The following RAB38 variants were observed in gnomAD, a reference collection of about 807,000 sequenced individuals.
RAB38 encodes the protein RAB38, member RAS oncogene family, also known as ras-related protein Rab-38.
Under a neutral mutation model 18.4 loss-of-function variants are expected in RAB38, and 15 were observed. The observed-to-expected ratio is 0.82, with a 90% CI of 0.55 to 1.26. The LOEUF is 1.26. Ranked by LOEUF, RAB38 falls within the 50% of genes most tolerant of loss-of-function variation. The pLI is 0.00. For missense variants in RAB38, 294 were observed against 267.4 expected (o/e 1.10, Z -0.69); for synonymous variants, 101 against 104.4 (o/e 0.97, Z 0.20).
At chr11:88,065,802 G>A in the RAB38 span, among the ~76,000 whole-genome samples, 1 of 152,148 alleles carries the variant, frequency 6.6e-6, no homozygotes, top group African/African-American at 2.4e-5. Context: ...TGCACAAGAA[G>A]GCATTTCTCA....
Position 88,165,951 on chromosome 11 carries a change from T to C in RAB38, c.202+9232A>G, listed in dbSNP as rs184229683. The C allele has an allele frequency of 1.2e-3, 186 of 152,092 alleles. 1 individual carries two copies. Among genetic ancestry groups the C allele is most frequent in the African/African-American group, 4.3e-3 (179 of 41,510 alleles). The allele number at this position is 152,092 out of a possible 1,614,324, so 9.4% of individuals were successfully genotyped here. Reference sequence around the variant, plus strand: ...CTACAAACAAGGGAAAGAAAAGTTGTATGGGACTCAAGGGAGGAAGAAGTT... The same window carrying C: ...CTACAAACAAGGGAAAGAAAAGTTGCATGGGACTCAAGGGAGGAAGAAGTT... On this transcript the variant is annotated intron_variant, in intron 1 of 2. Coordinates refer to ENST00000243662, the MANE Select transcript of RAB38 (RefSeq NM_022337.3).
At chr11:88,086,142 C>A in the RAB38 span, among the ~76,000 whole-genome samples, 1 of 151,768 alleles carries the variant, frequency 6.6e-6, no homozygotes, top group Admixed American at 6.6e-5. Flanking sequence ...TGTAGGCATT[C>A]CAGAAATCCC....
At chr11:88,029,231 G>A in the RAB38 span, among the ~76,000 whole-genome samples, 2 of 151,940 alleles carry the variant, frequency 1.3e-5, no homozygotes, top group African/African-American at 2.4e-5. Flanking sequence ...TGAAGGAAGT[G>A]CTAAACATTG....
chr11:87,893,390 A>ATATATATATATATATATTTTTTT, the RAB38 span, among the ~76,000 whole-genome samples: 133 of 93,880 alleles, frequency 1.4e-3, 1 homozygote, highest in East Asian at 0.014. Context: ...ATATATATAT[A>ATATATATATATATATATTTTTTT]TTTTTTTTTT....
At chr11:87,888,623 G>C in the RAB38 span, among the ~76,000 whole-genome samples, 2 of 151,808 alleles carry the variant, frequency 1.3e-5, no homozygotes, top group African/African-American at 4.8e-5. Context: ...TGCTCTTCTG[G>C]TAAACGTTCA....
the RAB38 span, among the ~76,000 whole-genome samples, chr11:87,822,416 G>C: frequency 1.3e-5 from 2 of 152,274 alleles, no homozygotes; most frequent in East Asian, 3.9e-4. Flanking sequence ...CCAAGAATCT[G>C]GGAATGTCTT....
At chr11:87,854,015 G>A in the RAB38 span, among the ~76,000 whole-genome samples, 3 of 152,102 alleles carry the variant, frequency 2.0e-5, no homozygotes, top group Non-Finnish European at 2.9e-5. Context: ...GACAGGTCTC[G>A]TTCTTCTATT....
the RAB38 span, among the ~76,000 whole-genome samples, chr11:87,862,317 T>C: frequency 6.6e-6 from 1 of 152,020 alleles, no homozygotes; most frequent in African/African-American, 2.4e-5. Flanking sequence ...CACCATGGAA[T>C]ACTATGCAGT....
chr11:88,138,793 T>A (rs1942867567), intron 2 of RAB38, among the ~76,000 whole-genome samples: 1 of 145,244 alleles, frequency 6.9e-6, no homozygotes, highest in Admixed American at 6.7e-5. Flanking sequence ...TTTTTTATTA[T>A]TTTTTTTGAG....
chr11:88,005,242 A>AT, the RAB38 span, among the ~76,000 whole-genome samples: 12 of 151,528 alleles, frequency 7.9e-5, no homozygotes, highest in African/African-American at 2.9e-4. Flanking sequence ...GTAGATTACT[A>AT]TAAAGCCAAT....
the RAB38 span, among the ~76,000 whole-genome samples, chr11:87,914,230 G>C: frequency 1.3e-5 from 2 of 152,076 alleles, no homozygotes; most frequent in East Asian, 3.9e-4. Flanking sequence ...AGATTAAATG[G>C]CTGTGACCAA....
At chr11:87,959,949 C>G in the RAB38 span, among the ~76,000 whole-genome samples, 7,736 of 152,236 alleles carry the variant, frequency 0.051, 352 homozygotes, top group East Asian at 0.12. Flanking sequence ...ATTCAAATCA[C>G]TGTTTTTTGG....
chr11:88,040,694 C>A, the RAB38 span, among the ~76,000 whole-genome samples: 2 of 150,872 alleles, frequency 1.3e-5, no homozygotes, highest in Non-Finnish European at 1.5e-5. Flanking sequence ...CAGAGGGAGA[C>A]CCTGTCTCAA....
the RAB38 span, among the ~76,000 whole-genome samples, chr11:87,852,511 T>C: frequency 1.3e-5 from 2 of 152,150 alleles, no homozygotes; most frequent in South Asian, 4.1e-4. Context: ...TTTCTGGCCA[T>C]AATGTATCTT....
chr11:87,941,757 C>A, the RAB38 span, among the ~76,000 whole-genome samples: 2 of 152,158 alleles, frequency 1.3e-5, no homozygotes, highest in African/African-American at 4.8e-5. Context: ...CTTATCAAGA[C>A]CAACTAAAGA....
the RAB38 span, among the ~76,000 whole-genome samples, chr11:87,902,877 G>T: frequency 1.4e-5 from 2 of 148,064 alleles, no homozygotes; most frequent in South Asian, 2.1e-4. Context: ...TCATATATAT[G>T]TATGTGCATA....
the RAB38 span, among the ~76,000 whole-genome samples, chr11:87,873,755 A>G: frequency 6.6e-6 from 1 of 151,202 alleles, no homozygotes; most frequent in South Asian, 2.1e-4. Flanking sequence ...GTCAAAGATC[A>G]GTTGACTCAA....
the RAB38 span, among the ~76,000 whole-genome samples, chr11:87,926,285 T>A: frequency 9.9e-5 from 15 of 151,980 alleles, no homozygotes; most frequent in Admixed American, 9.9e-4. Context: ...TGACTGAATT[T>A]CAGAAAAGTT....
the RAB38 span, among the ~76,000 whole-genome samples, chr11:87,835,549 A>G: frequency 1.1e-4 from 17 of 152,300 alleles, 1 homozygote; most frequent in Middle Eastern, 0.01. Context: ...TGTTTTAGAC[A>G]TAGGGTCTTT....
Sources: gnomAD v4.1 joint callset for allele counts (sites outside exome capture counted in the v4.1 genomes callset) on GRCh38, gnomAD v4.1.1 for gene constraint, MANE v1.5 for transcripts, NCBI Gene and HGNC (gene_info 2026-07-23, HGNC 2026-07-21) for gene names.